XPR1: variants seen among roughly 807,000 people sequenced by gnomAD.
XPR1 encodes the protein solute carrier family 53 member 1.
A neutral mutation model predicts 87.5 loss-of-function variants in XPR1; 28 were observed. The ratio of observed to expected loss-of-function variants is 0.32; its 90% confidence interval spans 0.24 to 0.44. XPR1 has a LOEUF of 0.44. Ranked by LOEUF, XPR1 falls within the 20% of genes least tolerant of loss-of-function variation. XPR1 has a pLI of 1.00. For missense variants in XPR1, 559 were observed against 862.3 expected, an observed-to-expected ratio of 0.65 and a Z score of 4.41; for synonymous variants, 300 against 306.1, an observed-to-expected ratio of 0.98 and a Z score of 0.21.
At chr1:180,856,028 T>C (rs1244018991) in intron 11 of XPR1, among the ~76,000 whole-genome samples, 1 of 152,164 alleles carries the variant, frequency 6.6e-6, no homozygotes, top group Non-Finnish European at 1.5e-5. Context: ...TGTACATGCT[T>C]AAGAGTCCCC....
In XPR1 at chr1:180,680,357, CT is replaced by C. The variant is rs369905770; in HGVS notation, c.70-1978del. ...TTCCTCAAATAACTACAAATAGAAC[CT>C]TTTTTTTTTTTTTTTTTTTTTTTTG... On this transcript the variant is annotated intron_variant, in intron 1 of 14. Coordinates refer to ENST00000367590, the MANE Select transcript of XPR1 (RefSeq NM_004736.4). Among the ~76,000 whole-genome samples the C allele has an allele frequency of 6.0e-3, 501 of 83,368 alleles. 1 individual carries two copies. The highest frequency in any genetic ancestry group is 0.016 in the African/African-American group (324 of 19,990). The allele number at this position is 83,368 out of a possible 152,430, so 54.7% of individuals were successfully genotyped here.
At chr1:180,701,914 G>T (rs1233160323) in intron 2 of XPR1, among the ~76,000 whole-genome samples, 1 of 118,564 alleles carries the variant, frequency 8.4e-6, no homozygotes, top group Non-Finnish European at 1.7e-5. Flanking sequence ...TTTTTTGAAG[G>T]GTTTTTTGTG....
intron 1 of XPR1, among the ~76,000 whole-genome samples, chr1:180,634,290 G>A (rs1320060755): frequency 7.2e-5 from 11 of 152,114 alleles, no homozygotes; most frequent in Non-Finnish European, 1.3e-4. Context: ...TTGATTCTGC[G>A]GAGAGTTCCT....
intron 7 of XPR1, among the ~76,000 whole-genome samples, chr1:180,819,786 G>C (rs1312945714): frequency 2.0e-5 from 3 of 152,162 alleles, no homozygotes; most frequent in South Asian, 2.1e-4. Context: ...GGGAGGCCAA[G>C]GCGGGTGGAT....
chr1:180,683,417 T>TC (rs1656653352), intron 2 of XPR1, among the ~76,000 whole-genome samples: 3 of 152,150 alleles, frequency 2.0e-5, no homozygotes, highest in African/African-American at 7.2e-5. Context: ...ATAGTGCTGC[T>TC]ATAAACATAC....
At chr1:180,639,543 G>A (rs1654899576) in intron 1 of XPR1, among the ~76,000 whole-genome samples, 1 of 152,148 alleles carries the variant, frequency 6.6e-6, no homozygotes, top group Non-Finnish European at 1.5e-5. Flanking sequence ...TAGTGAACAA[G>A]TGATTTTTTT....
intron 2 of XPR1, among the ~76,000 whole-genome samples, chr1:180,756,526 A>G (rs1647755574): frequency 6.6e-6 from 1 of 152,198 alleles, no homozygotes; most frequent in African/African-American, 2.4e-5. Context: ...TATAAATACA[A>G]GTCCTTCGTC....
At chr1:180,731,916 G>A (rs1215179066) in intron 2 of XPR1, among the ~76,000 whole-genome samples, 3 of 152,076 alleles carry the variant, frequency 2.0e-5, no homozygotes, top group African/African-American at 7.2e-5. Context: ...TTCTAGGCTG[G>A]GCGTGGTGGC....
At chr1:180,841,461 A>C (rs538577058) in intron 11 of XPR1, among the ~76,000 whole-genome samples, 1 of 152,222 alleles carries the variant, frequency 6.6e-6, no homozygotes, top group Admixed American at 6.5e-5. Context: ...TTAAGGAGTA[A>C]ATAATAGAGT....
At chr1:180,757,461 G>A (rs1421158809) in intron 2 of XPR1, among the ~76,000 whole-genome samples, 1 of 150,176 alleles carries the variant, frequency 6.7e-6, no homozygotes, top group Admixed American at 6.6e-5. Context: ...TATTGGTTTG[G>A]AACAGCAACT....
At position 180,704,245 on chromosome 1, in the gene XPR1, GATATATATATATATAT is replaced by G. The variant is rs35751561; in HGVS notation, c.121+21851_121+21866del. ...TTTCTCAAGAACACTATAGGTGCTG[GATATATATATATATAT>G]ATATATATATATATATTATCAGATT... On this transcript the variant is annotated intron_variant, in intron 2 of 14. Coordinates refer to ENST00000367590, the MANE Select transcript of XPR1 (RefSeq NM_004736.4). 3.2e-3 allele frequency among the ~76,000 whole-genome samples: 210 copies of G among 66,026 alleles called. 7 individuals carry two copies. The South Asian group carries it at 0.039, about 12-fold the overall frequency. The allele number at this position is 66,026 out of a possible 152,430, so 43.3% of individuals were successfully genotyped here. A position where few individuals can be genotyped will look rare whatever the true frequency, so the allele number is the denominator to read the frequency against.
intron 1 of XPR1, among the ~76,000 whole-genome samples, chr1:180,671,718 T>C (rs1656185691): frequency 6.6e-6 from 1 of 152,156 alleles, no homozygotes; most frequent in Non-Finnish European, 1.5e-5. Context: ...TCTCACCATG[T>C]TGGCCAGGCT....
rs10914121 is a variant in XPR1, at chr1:180,863,489, G to A, written c.1502-219G>A. Among the ~76,000 whole-genome samples, 6,557 of 152,176 alleles carry A rather than the reference G, an allele frequency of 0.043. 506 individuals carry two copies. The highest frequency in any genetic ancestry group is 0.15 in the African/African-American group (6,129 of 41,502). On this transcript the variant is annotated intron_variant, in intron 11 of 14. Coordinates refer to ENST00000367590, the MANE Select transcript of XPR1 (RefSeq NM_004736.4). ...CCAAAACTTTTATACATTTGTGTAA[G>A]TGTTATGTATTCAATAAATGTTTGA...
intron 2 of XPR1, among the ~76,000 whole-genome samples, chr1:180,777,288 C>T (rs987280509): frequency 6.6e-6 from 1 of 152,134 alleles, no homozygotes; most frequent in African/African-American, 2.4e-5. Context: ...CACTGGTCTC[C>T]CGACAACCTT....
chr1:180,710,515 G>C (rs1022295039), intron 2 of XPR1, among the ~76,000 whole-genome samples: 2 of 152,132 alleles, frequency 1.3e-5, no homozygotes, highest in African/African-American at 4.8e-5. Flanking sequence ...CACCGGGTTG[G>C]GGGTAAGGTC....
At chr1:180,831,989 T>A (rs776421356) in intron 9 of XPR1, among the ~76,000 whole-genome samples, 10 of 152,222 alleles carry the variant, frequency 6.6e-5, no homozygotes, top group Middle Eastern at 3.2e-3. Context: ...TCCACAATGG[T>A]TGAACTAATT....
intron 2 of XPR1, among the ~76,000 whole-genome samples, chr1:180,731,585 A>G (rs1658557479): frequency 6.6e-6 from 1 of 152,214 alleles, no homozygotes; most frequent in South Asian, 2.1e-4. Flanking sequence ...AGAAGGGTTA[A>G]TTTCTATGTC....
intron 1 of XPR1, among the ~76,000 whole-genome samples, chr1:180,646,412 GA>G (rs1483262885): frequency 6.6e-6 from 1 of 150,484 alleles, no homozygotes; most frequent in African/African-American, 2.4e-5. Context: ...TTTTTCTTTC[GA>G]AAAAGACTTG....
chr1:180,852,692 G>A (rs1651903023), intron 11 of XPR1, among the ~76,000 whole-genome samples: 1 of 152,100 alleles, frequency 6.6e-6, no homozygotes, highest in African/African-American at 2.4e-5. Context: ...AGGACTACAG[G>A]TGTGCGCCAC....
Sources: gnomAD v4.1 joint callset for allele counts (sites outside exome capture counted in the v4.1 genomes callset) on GRCh38, gnomAD v4.1.1 for gene constraint, MANE v1.5 for transcripts, NCBI Gene and HGNC (gene_info 2026-07-23, HGNC 2026-07-21) for gene names.